Variants in MID1 observed in about 807,000 individuals in gnomAD.
MID1 encodes the protein midline 1.
MID1 carries 7 observed loss-of-function variants against 40.4 expected under a neutral mutation model. The ratio of observed to expected loss-of-function variants is 0.17; its 90% confidence interval spans 0.10 to 0.33. MID1 has a LOEUF of 0.33. MID1 is among the 10% of genes least tolerant of loss of function. The pLI is 1.00. For synonymous variants in MID1, 229 were observed against 221.2 expected, an observed-to-expected ratio of 1.04 and a Z score of -0.31; for missense variants, 367 against 558.5, an observed-to-expected ratio of 0.66 and a Z score of 3.46.
chrX:10,587,070 T>C (rs899601181), intron 1 of MID1, among the ~76,000 whole-genome samples: 2 of 112,763 alleles, frequency 1.8e-5, no homozygotes, highest in African/African-American at 6.5e-5. Flanking sequence ...ATTGATCTGG[T>C]ATTCCTCATG....
chrX:10,490,928 A>T (rs1012885819), intron 4 of MID1, among the ~76,000 whole-genome samples: 1 of 112,201 alleles, frequency 8.9e-6, no homozygotes, highest in African/African-American at 3.2e-5. Context: ...TTTTCAAATT[A>T]TTGGCATGAA....
At position 10,716,706 on chromosome X, in the gene MID1, A is replaced by G. The variant is rs2054505927; in HGVS notation, c.-186-96287T>C. On this transcript the variant is annotated intron_variant, in intron 1 of 10. Transcript: ENST00000380785. The stretch of plus-strand genomic sequence containing the variant: ...GAAATACAGAGAATGCCACAAAGAT[A>G]CTCCTCGAGAAGAGCAACTCCAAGA... 3.6e-5 allele frequency among the ~76,000 whole-genome samples: 4 copies of G among 111,005 alleles called. No homozygotes were observed. The South Asian group carries it at 1.5e-3, about 43-fold the overall frequency.
chrX:10,538,861 T>C (rs368394320), intron 2 of MID1, among the ~76,000 whole-genome samples: 1 of 112,468 alleles, frequency 8.9e-6, no homozygotes, highest in African/African-American at 3.2e-5. Flanking sequence ...CAACCAAAGA[T>C]TTCCTGACTA....
At chrX:10,799,545 T>C (rs1006652391) in intron 1 of MID1, among the ~76,000 whole-genome samples, 16 of 112,154 alleles carry the variant, frequency 1.4e-4, no homozygotes, top group Non-Finnish European at 2.3e-4. Context: ...TTGGAAACCA[T>C]GAATCATGTA....
At chrX:10,566,107 G>A (rs1768282066) in intron 2 of MID1, among the ~76,000 whole-genome samples, 1 of 111,392 alleles carries the variant, frequency 9.0e-6, no homozygotes, top group South Asian at 3.8e-4. Context: ...ACCACGCCCT[G>A]CCTAGAAAGT....
intron 1 of MID1, among the ~76,000 whole-genome samples, chrX:10,765,477 T>C (rs2043713939): frequency 8.9e-6 from 1 of 112,655 alleles, no homozygotes; most frequent in Non-Finnish European, 1.9e-5. Context: ...TAGCATGCGA[T>C]TGATCAAGCC....
intron 1 of MID1, among the ~76,000 whole-genome samples, chrX:10,632,939 A>T (rs1426977245): frequency 1.8e-5 from 2 of 111,949 alleles, no homozygotes; most frequent in African/African-American, 6.5e-5. Context: ...CATTAGACCA[A>T]GTGTGGGACC....
At chrX:10,594,944 A>C (rs1361599987) in intron 1 of MID1, among the ~76,000 whole-genome samples, 1 of 112,227 alleles carries the variant, frequency 8.9e-6, no homozygotes, top group East Asian at 2.8e-4. Context: ...CAATTTACAT[A>C]AGGCTTCCTT....
At chrX:10,705,377 T>G (rs896224987) in intron 1 of MID1, among the ~76,000 whole-genome samples, 1 of 112,094 alleles carries the variant, frequency 8.9e-6, no homozygotes, top group Non-Finnish European at 1.9e-5. Flanking sequence ...TCTCCCAGTA[T>G]GCCTACTGCA....
intron 1 of MID1, among the ~76,000 whole-genome samples, chrX:10,800,765 CAGAG>C (rs745603363): frequency 8.9e-6 from 1 of 112,044 alleles, no homozygotes; most frequent in Non-Finnish European, 1.9e-5. Flanking sequence ...ATGCATAAAA[CAGAG>C]AGAGTGCAAC....
At chrX:10,808,004 T>C (rs778874591) in intron 1 of MID1, among the ~76,000 whole-genome samples, 1 of 112,393 alleles carries the variant, frequency 8.9e-6, no homozygotes, top group South Asian at 3.7e-4. Context: ...AAGAAAGGGG[T>C]AACAGGTTCT....
intron 1 of MID1, among the ~76,000 whole-genome samples, chrX:10,571,430 G>A (rs1306672709): frequency 1.8e-5 from 2 of 108,950 alleles, no homozygotes; most frequent in Non-Finnish European, 3.8e-5. Context: ...AACTTAGTAT[G>A]GTTTATTTTC....
intron 1 of MID1, among the ~76,000 whole-genome samples, chrX:10,731,296 A>G (rs1211451143): frequency 1.8e-5 from 2 of 112,245 alleles, no homozygotes; most frequent in African/African-American, 6.5e-5. Context: ...CTGGATAAAA[A>G]GCAAAGCGAA....
chrX:10,774,201 A>G (rs1337669195), intron 1 of MID1, among the ~76,000 whole-genome samples: 1 of 111,307 alleles, frequency 9.0e-6, no homozygotes, highest in African/African-American at 3.3e-5. Flanking sequence ...TGGAGCATAT[A>G]GTGAGCAGGG....
chrX:10,821,751 T>C (rs2044176187), intron 1 of MID1, among the ~76,000 whole-genome samples: 1 of 112,526 alleles, frequency 8.9e-6, no homozygotes, highest in African/African-American at 3.2e-5. Flanking sequence ...CTGATTTCTT[T>C]AACTTGCAAG....
chrX:10,727,484 T>C (rs754338930), intron 1 of MID1, among the ~76,000 whole-genome samples: 1 of 112,770 alleles, frequency 8.9e-6, no homozygotes, highest in African/African-American at 3.2e-5. Flanking sequence ...GAGCTATGTA[T>C]AGATGCAAAT....
At chrX:10,703,769 A>T (rs1488965918) in intron 1 of MID1, among the ~76,000 whole-genome samples, 2 of 112,667 alleles carry the variant, frequency 1.8e-5, no homozygotes, top group African/African-American at 6.5e-5. Context: ...GAATTCATAA[A>T]GTAAGATGTG....
chrX:10,527,192 A>G (rs1462559409), intron 2 of MID1, among the ~76,000 whole-genome samples: 3 of 111,771 alleles, frequency 2.7e-5, no homozygotes, highest in Admixed American at 1.9e-4. Context: ...GCACAAGAAA[A>G]ATTGGTTTTA....
At chrX:10,566,532 C>CCTCTCTCTCTCCCTCTCTCTCT (rs1934551088) in intron 2 of MID1, among the ~76,000 whole-genome samples, 15 of 52,861 alleles carry the variant, frequency 2.8e-4, no homozygotes, top group African/African-American at 8.4e-4. Flanking sequence ...CCTCTCTCTC[C>CCTCTCTCTCTCCCTCTCTCTCT]CTCTCTCTCT....
Sources: gnomAD v4.1 joint callset for allele counts (sites outside exome capture counted in the v4.1 genomes callset) on GRCh38, gnomAD v4.1.1 for gene constraint, MANE v1.5 for transcripts, NCBI Gene and HGNC (gene_info 2026-07-23, HGNC 2026-07-21) for gene names.